SCAPER: variants seen among roughly 807,000 people sequenced by gnomAD.
SCAPER encodes S phase cyclin A-associated protein in the endoplasmic reticulum.
In SCAPER, 98 loss-of-function variants were observed where a neutral mutation model predicts 182.2. The observed-to-expected ratio is 0.54, with a 90% CI of 0.46 to 0.64. The LOEUF is 0.64. Among genes scored for constraint, SCAPER ranks in the 30% least tolerant of loss-of-function variants. The pLI is 0.00. For missense variants in SCAPER, 1,432 were observed against 1,690.0 expected, an observed-to-expected ratio of 0.85 and a Z score of 2.68; for synonymous variants, 605 against 564.6, an observed-to-expected ratio of 1.07 and a Z score of -1.01.
At chr15:76,684,759 T>C (rs1346615838) in intron 20 of SCAPER, among the ~76,000 whole-genome samples, 4 of 151,836 alleles carry the variant, frequency 2.6e-5, no homozygotes, top group Non-Finnish European at 4.4e-5. Context: ...TTATTAATAA[T>C]ACTAAAGGTT....
At chr15:76,360,172 A>C (rs2041298588) in intron 29 of SCAPER, among the ~76,000 whole-genome samples, 1 of 152,212 alleles carries the variant, frequency 6.6e-6, no homozygotes, top group Non-Finnish European at 1.5e-5. Flanking sequence ...TATGGGCAAA[A>C]CTGGTGTTTC....
chr15:76,456,582 G>C (rs1033799285), intron 25 of SCAPER, among the ~76,000 whole-genome samples: 1 of 152,110 alleles, frequency 6.6e-6, no homozygotes, highest in Non-Finnish European at 1.5e-5. Flanking sequence ...TAGGTGCAGT[G>C]ATCTACAAAC....
At chr15:76,705,747 G>T (rs1399832409) in intron 18 of SCAPER, among the ~76,000 whole-genome samples, 156 bp downstream of exon 18, 1 of 151,922 alleles carries the variant, frequency 6.6e-6, no homozygotes, top group Non-Finnish European at 1.5e-5. Flanking sequence ...TTAGTTTCCA[G>T]GTACTAAGTT....
intron 21 of SCAPER, among the ~76,000 whole-genome samples, chr15:76,663,846 C>G (rs1281201160): frequency 6.6e-6 from 1 of 151,970 alleles, no homozygotes; most frequent in Non-Finnish European, 1.5e-5. Context: ...CCACATTGCA[C>G]TTAAATAAAT....
At chr15:76,900,804 T>C (rs1301735282) in intron 1 of SCAPER, among the ~76,000 whole-genome samples, 1 of 152,162 alleles carries the variant, frequency 6.6e-6, no homozygotes, top group Non-Finnish European at 1.5e-5. Context: ...CTCCAAAATA[T>C]AGGGGCCCAT....
chr15:76,473,447 T>C (rs2050363655), intron 24 of SCAPER, among the ~76,000 whole-genome samples: 1 of 152,228 alleles, frequency 6.6e-6, no homozygotes, highest in Non-Finnish European at 1.5e-5. Flanking sequence ...GATTCCTGGA[T>C]GTTTTGAATA....
rs979387311 is a variant in SCAPER, at chr15:76,536,854, G to C, written c.2839-31880C>G. Reference sequence around the variant, plus strand: ...GCCCAAAATCTCCTTAAGCTGATAAGCAACTTCAGCAAAGTCTCAGGATAC... The same window carrying C: ...GCCCAAAATCTCCTTAAGCTGATAACCAACTTCAGCAAAGTCTCAGGATAC... On this transcript the variant is annotated intron_variant, in intron 23 of 31. Transcript: ENST00000563290. Among the ~76,000 whole-genome samples, 11 of 152,154 alleles carry C rather than the reference G, an allele frequency of 7.2e-5. 1 individual carries two copies. In the East Asian group the frequency reaches 1.7e-3, roughly 24 times the overall value.
chr15:76,580,505 A>C (rs1465373997), intron 22 of SCAPER, among the ~76,000 whole-genome samples: 1 of 152,232 alleles, frequency 6.6e-6, no homozygotes, highest in Non-Finnish European at 1.5e-5. Flanking sequence ...CTGTAATCCT[A>C]GCACTTTGGG....
At chr15:76,719,246 G>C (rs964540869) in intron 17 of SCAPER, among the ~76,000 whole-genome samples, 1 of 152,152 alleles carries the variant, frequency 6.6e-6, no homozygotes, top group African/African-American at 2.4e-5. Flanking sequence ...CAATATGGAT[G>C]AGCCTAGAGA....
intron 21 of SCAPER, among the ~76,000 whole-genome samples, chr15:76,648,099 A>C (rs1474167231): frequency 1.3e-5 from 2 of 152,184 alleles, no homozygotes; most frequent in Non-Finnish European, 2.9e-5. Flanking sequence ...GGCAGAAAAT[A>C]TAAGCCATAC....
chr15:76,363,940 G>T (rs79181196), intron 29 of SCAPER, among the ~76,000 whole-genome samples: 18,266 of 152,144 alleles, frequency 0.12, 1,506 homozygotes, highest in African/African-American at 0.24. Context: ...ACCAGGCCTA[G>T]GAGCAATATG....
At chr15:76,902,487 AT>A (rs202089703) in intron 1 of SCAPER, among the ~76,000 whole-genome samples, 2 of 152,046 alleles carry the variant, frequency 1.3e-5, no homozygotes, top group African/African-American at 2.4e-5. Context: ...TATAAGTTGA[AT>A]TTTTTTTTAA....
In SCAPER at chr15:76,354,202, T is replaced by C. The variant is rs1474413100; in HGVS notation, c.3856-62A>G. Reference sequence around the variant, plus strand: ...CGCCCCAGCCTGTCCCTCACCCACCTGCACAGTGTCGGCTAGTACCATGGA... The same window carrying C: ...CGCCCCAGCCTGTCCCTCACCCACCCGCACAGTGTCGGCTAGTACCATGGA... On this transcript the variant is annotated intron_variant, in intron 29 of 31. Transcript: ENST00000563290. The surrounding 1 kb of genome is among the most constrained non-coding windows in gnomAD (Gnocchi z 4.4). 2.7e-6 allele frequency: 4 copies of C among 1,499,712 alleles called. No homozygotes were observed. The African/African-American group carries it at 4.3e-5, about 16-fold the overall frequency. 92.9% of individuals were successfully genotyped at this position (1,499,712 alleles called of 1,614,324 possible). A position where few individuals can be genotyped will look rare whatever the true frequency, so the allele number is the denominator to read the frequency against.
intron 22 of SCAPER, among the ~76,000 whole-genome samples, chr15:76,583,975 T>A (rs1183256519): frequency 6.6e-6 from 1 of 152,212 alleles, no homozygotes; most frequent in African/African-American, 2.4e-5. Flanking sequence ...TCTCCCATGT[T>A]TATTGCAGCA....
chr15:76,500,559 A>G (rs1008222848), intron 24 of SCAPER, among the ~76,000 whole-genome samples: 3 of 152,162 alleles, frequency 2.0e-5, no homozygotes, highest in Non-Finnish European at 2.9e-5. Flanking sequence ...CTAAGTACAT[A>G]TACTACAAAC....
intron 15 of SCAPER, among the ~76,000 whole-genome samples, chr15:76,745,610 T>C (rs193098990): frequency 3.3e-5 from 5 of 152,288 alleles, no homozygotes; most frequent in Admixed American, 2.6e-4. Context: ...GAACTATAAA[T>C]GGTAGCTGAT....
intron 21 of SCAPER, among the ~76,000 whole-genome samples, chr15:76,623,754 T>C (rs1279123276): frequency 6.6e-6 from 1 of 152,204 alleles, no homozygotes; most frequent in Non-Finnish European, 1.5e-5. Flanking sequence ...CCATATGCAT[T>C]TCAGAATAGC....
chr15:76,767,152 T>C (rs1598606927), intron 10 of SCAPER, 64 bp from the exon 11 acceptor site: 3 of 1,402,618 alleles, frequency 2.1e-6, no homozygotes, highest in Non-Finnish European at 2.9e-6. Context: ...GTAATCATTT[T>C]TTATGTTCTA....
intron 24 of SCAPER, among the ~76,000 whole-genome samples, chr15:76,471,730 G>T (rs747835085): frequency 6.6e-5 from 10 of 152,132 alleles, no homozygotes; most frequent in Non-Finnish European, 7.4e-5. Context: ...CCTGGTCCGG[G>T]ATAAGAAAGA....
Sources: allele counts gnomAD v4.1 joint callset (sites outside exome capture counted in the v4.1 genomes callset), GRCh38; gene constraint gnomAD v4.1.1; non-coding constraint Gnocchi (gnomAD v3.1); transcripts MANE v1.5; gene names NCBI Gene and HGNC (gene_info 2026-07-23, HGNC 2026-07-21).